CSMD1: variants seen among roughly 807,000 people sequenced by gnomAD.
CSMD1 encodes CUB and sushi domain-containing protein 1.
Under a neutral mutation model 417.5 loss-of-function variants are expected in CSMD1, and 213 were observed. That is an observed-to-expected ratio of 0.51 (90% confidence interval 0.46 to 0.57). The LOEUF (loss-of-function observed/expected upper bound fraction) is 0.57. CSMD1 is among the 20% of genes least tolerant of loss of function. The probability of loss-of-function intolerance (pLI) is 0.00; values close to 1 mark genes in which losing one functional copy is unlikely to be tolerated. For missense variants in CSMD1, 6,923 were observed against 4,529.7 expected, an observed-to-expected ratio of 1.53 and a Z score of -15.17; for synonymous variants, 2,862 against 1,736.8, an observed-to-expected ratio of 1.65 and a Z score of -16.11.
chr8:4,698,272 G>A (rs1403668425), intron 1 of CSMD1, among the ~76,000 whole-genome samples: 4 of 151,922 alleles, frequency 2.6e-5, no homozygotes, highest in African/African-American at 4.8e-5. Flanking sequence ...GAGCTGTGTC[G>A]AATGCTGTAT....
chr8:4,494,360 A>G (rs1801874017), intron 2 of CSMD1, among the ~76,000 whole-genome samples: 1 of 152,216 alleles, frequency 6.6e-6, no homozygotes, highest in South Asian at 2.1e-4. Context: ...GTGACATTTG[A>G]GACTTACTAA....
intron 3 of CSMD1, among the ~76,000 whole-genome samples, chr8:4,343,691 C>G (rs1584930425): frequency 6.6e-6 from 1 of 152,048 alleles, no homozygotes; most frequent in Admixed American, 6.6e-5. Context: ...ACCTTTGCAG[C>G]TTTTTCTTTT....
chr8:4,372,297 A>G (rs754589583), intron 3 of CSMD1, among the ~76,000 whole-genome samples: 9 of 152,218 alleles, frequency 5.9e-5, no homozygotes, highest in Non-Finnish European at 8.8e-5. Flanking sequence ...CTGTGGGTTA[A>G]ATGACATCAT....
chr8:3,575,112 G>C lies in CSMD1; in HGVS notation c.1223-46C>G, dbSNP rs147267447. On this transcript the variant is annotated intron_variant, in intron 9 of 69. Transcript: ENST00000635120. ...CGTTATTTTCTACAACATTGTGTCA[G>C]TTTGGTAAAGACATAACATTTATGG... 2.4e-4 allele frequency: 378 copies of C among 1,584,528 alleles called. 4 individuals carry two copies. The African/African-American group carries it at 4.1e-3, about 17-fold the overall frequency.
intron 2 of CSMD1, among the ~76,000 whole-genome samples, chr8:4,613,462 C>T (rs867891657): frequency 1.3e-5 from 2 of 152,140 alleles, no homozygotes; most frequent in African/African-American, 4.8e-5. Context: ...TTTGCTGCAC[C>T]TGTTCACCAT....
chr8:4,784,223 C>T (rs566840384), intron 1 of CSMD1, among the ~76,000 whole-genome samples: 51 of 152,252 alleles, frequency 3.3e-4, no homozygotes, highest in African/African-American at 8.2e-4. Flanking sequence ...TTGAACATTG[C>T]GGCCTATTGT....
At chr8:2,982,901 C>T (rs1051490317) in intron 54 of CSMD1, among the ~76,000 whole-genome samples, 2 of 152,130 alleles carry the variant, frequency 1.3e-5, no homozygotes, top group African/African-American at 4.8e-5. Flanking sequence ...CTCTTATAGG[C>T]AGCTTGGCTC....
intron 3 of CSMD1, among the ~76,000 whole-genome samples, chr8:4,149,110 T>A (rs1009699279): frequency 6.6e-6 from 1 of 151,982 alleles, no homozygotes; most frequent in Non-Finnish European, 1.5e-5. Flanking sequence ...ATTACAGGCG[T>A]GTACCACCAC....
chr8:4,147,344 C>T (rs1346850999), intron 3 of CSMD1, among the ~76,000 whole-genome samples: 1 of 152,096 alleles, frequency 6.6e-6, no homozygotes, highest in African/African-American at 2.4e-5. Flanking sequence ...TATTGCGCCC[C>T]ACCCTTCTTC....
rs533699054 is a variant in CSMD1, at chr8:3,885,728, A to G, written c.818+112175T>C. On this transcript the variant is annotated intron_variant, in intron 5 of 69. Transcript: ENST00000635120. ...CTCATGAAATTTCAGGCACTCAGGAATATCAGCCCCTTCTCCATCTCACAA... is the reference window on the plus strand; with the variant it reads ...CTCATGAAATTTCAGGCACTCAGGAGTATCAGCCCCTTCTCCATCTCACAA... Among the ~76,000 whole-genome samples the G allele has an allele frequency of 1.5e-4, 23 of 152,268 alleles. No individual in the cohort carries two copies. In the East Asian group the frequency reaches 4.4e-3, roughly 29 times the overall value.
Position 3,407,960 on chromosome 8 carries a change from A to T in CSMD1, c.2010T>A (p.Val670=). 1.2e-6 allele frequency: 2 copies of T among 1,613,698 alleles called. No individual in the cohort carries two copies. Among genetic ancestry groups the T allele is most frequent in the Non-Finnish European group, 1.7e-6 (2 of 1,179,760 alleles). ...PSQLASSGHI[V]RLEFQSDHST... is the part of the protein sequence containing the mutation. Reference sequence around the variant, plus strand: ...AATGGTCAGACTGAAATTCCAAGCGAACTATATGCCCACTGCTGGCCAGCT... The same window carrying T: ...AATGGTCAGACTGAAATTCCAAGCGTACTATATGCCCACTGCTGGCCAGCT... The change falls in exon 14 of 70, where the codon GTT becomes GTA. Residue 670 remains valine, a synonymous_variant. Transcript: ENST00000635120.
intron 3 of CSMD1, among the ~76,000 whole-genome samples, chr8:4,337,939 T>A (rs1032526701): frequency 6.6e-6 from 1 of 152,292 alleles, no homozygotes; most frequent in South Asian, 2.1e-4. Context: ...TTTAATGATA[T>A]CGCATTTCTC....
chr8:3,456,397 G>T (rs1174186515), intron 12 of CSMD1, among the ~76,000 whole-genome samples: 2 of 152,074 alleles, frequency 1.3e-5, no homozygotes, highest in Non-Finnish European at 2.9e-5. Context: ...CTCACGCTGG[G>T]AGCTGTAGAC....
intron 3 of CSMD1, among the ~76,000 whole-genome samples, chr8:4,254,847 T>A (rs1231897864): frequency 6.6e-6 from 1 of 152,152 alleles, no homozygotes; most frequent in African/African-American, 2.4e-5. Context: ...ACCATCTAGG[T>A]GGTCATATGC....
intron 5 of CSMD1, among the ~76,000 whole-genome samples, chr8:3,908,094 G>A (rs1584946555): frequency 6.6e-6 from 1 of 152,130 alleles, no homozygotes; most frequent in East Asian, 1.9e-4. Context: ...AAGCCCTAAT[G>A]TCTGTTGAGG....
intron 3 of CSMD1, among the ~76,000 whole-genome samples, chr8:4,372,513 C>T (rs1046583263): frequency 6.6e-6 from 1 of 151,564 alleles, no homozygotes; most frequent in Non-Finnish European, 1.5e-5. Flanking sequence ...GAAAAAAAGT[C>T]CTCTAATACC....
At chr8:4,784,528 C>A (rs1797305331) in intron 1 of CSMD1, among the ~76,000 whole-genome samples, 1 of 152,028 alleles carries the variant, frequency 6.6e-6, no homozygotes, top group African/African-American at 2.4e-5. Flanking sequence ...GGAGACAGAC[C>A]CTTTAGTGTT....
At chr8:3,234,657 C>G (rs1443429760) in intron 26 of CSMD1, among the ~76,000 whole-genome samples, 1 of 152,166 alleles carries the variant, frequency 6.6e-6, no homozygotes, top group Non-Finnish European at 1.5e-5. Flanking sequence ...CAAGAGAAGC[C>G]TGGGAGAGCA....
chr8:3,825,063 G>T (rs1219974897), intron 5 of CSMD1, among the ~76,000 whole-genome samples: 2 of 152,116 alleles, frequency 1.3e-5, no homozygotes, highest in Non-Finnish European at 2.9e-5. Context: ...CTGTGATGAG[G>T]GCTTCTAGGT....
Sources: allele counts gnomAD v4.1 joint callset (sites outside exome capture counted in the v4.1 genomes callset), GRCh38; gene constraint gnomAD v4.1.1; transcripts MANE v1.5; gene names NCBI Gene and HGNC (gene_info 2026-07-23, HGNC 2026-07-21).